NUBPL: variants seen among roughly 807,000 people sequenced by gnomAD.
NUBPL encodes iron-sulfur cluster transfer protein NUBPL.
A neutral mutation model predicts 45.7 loss-of-function variants in NUBPL; 31 were observed. The observed-to-expected ratio is 0.68, with a 90% CI of 0.51 to 0.92. NUBPL has a LOEUF of 0.92. Ranked by LOEUF, NUBPL falls within the 40% of genes least tolerant of loss-of-function variation. The pLI is 0.00. For synonymous variants in NUBPL, 144 were observed against 140.9 expected (o/e 1.02, Z -0.15); for missense variants, 401 against 398.7 (o/e 1.01, Z -0.05).
At chr14:31,667,539 C>T (rs1443741803) in intron 4 of NUBPL, among the ~76,000 whole-genome samples, 2 of 151,970 alleles carry the variant, frequency 1.3e-5, no homozygotes, top group Admixed American at 1.3e-4. Flanking sequence ...TACCCACCTT[C>T]TGCCTACTTC....
At chr14:31,743,573 T>A (rs1234475638) in intron 6 of NUBPL, among the ~76,000 whole-genome samples, 2 of 152,134 alleles carry the variant, frequency 1.3e-5, no homozygotes, top group African/African-American at 4.8e-5. Flanking sequence ...AGAGATGGGA[T>A]TTCGCCGTGT....
intron 4 of NUBPL, among the ~76,000 whole-genome samples, chr14:31,640,874 A>G (rs112392322): frequency 0.011 from 1,619 of 152,170 alleles, 22 homozygotes; most frequent in African/African-American, 0.037. Flanking sequence ...TCTTCTAGCT[A>G]TTGTACAATT....
In NUBPL at chr14:31,780,313, C is replaced by T. The variant is rs111303682; in HGVS notation, c.514-7467C>T. 3.9e-4 allele frequency among the ~76,000 whole-genome samples: 60 copies of T among 152,190 alleles called. 1 individual carries two copies. The highest frequency in any genetic ancestry group is 1.3e-3 in the African/African-American group (53 of 41,544). ...TGTGAACTCCTGACCTCGTGATCCA[C>T]CCTCCTTGGCCTCCCAGAATGCTGG... On this transcript the variant is annotated intron_variant, in intron 6 of 10. Coordinates refer to ENST00000281081, the MANE Select transcript of NUBPL (RefSeq NM_025152.3).
At chr14:31,844,330 A>G (rs1449138356) in intron 8 of NUBPL, 3 of 152,176 alleles carry the variant, frequency 2.0e-5, no homozygotes, top group African/African-American at 7.2e-5. Context: ...TGAGAGCCAT[A>G]CAGTCAGGGG....
Position 31,595,400 on chromosome 14 carries a change from A to G in NUBPL, c.292-3889A>G, listed in dbSNP as rs983435388. ...AAAGATGACAATCAGACTTTACAAT[A>G]GTAAGTTTACAGTTATTTTTGCTAA... On this transcript the variant is annotated intron_variant, in intron 3 of 10. Transcript: ENST00000281081. Among the ~76,000 whole-genome samples, 8 of 152,366 alleles carry G rather than the reference A, an allele frequency of 5.3e-5. No individual in the cohort carries two copies. The East Asian group carries it at 1.2e-3, about 22-fold the overall frequency.
intron 8 of NUBPL, among the ~76,000 whole-genome samples, chr14:31,838,709 T>C (rs2040323173): frequency 1.3e-5 from 2 of 152,206 alleles, no homozygotes; most frequent in South Asian, 4.1e-4. Context: ...GTTCCTGATA[T>C]ACTTTGATGG....
intron 6 of NUBPL, among the ~76,000 whole-genome samples, chr14:31,733,445 C>G (rs890948654): frequency 1.3e-5 from 2 of 152,162 alleles, no homozygotes; most frequent in Non-Finnish European, 2.9e-5. Flanking sequence ...GCCATCCTAA[C>G]AGTGTCGAGT....
At chr14:31,601,813 T>C (rs2034441568) in intron 4 of NUBPL, among the ~76,000 whole-genome samples, 2 of 152,120 alleles carry the variant, frequency 1.3e-5, no homozygotes, top group African/African-American at 4.8e-5. Context: ...AGTTCAACCA[T>C]TGTGGAAGTC....
chr14:31,831,443 C>T (rs2040188491), intron 8 of NUBPL, among the ~76,000 whole-genome samples: 1 of 118,274 alleles, frequency 8.5e-6, no homozygotes, highest in African/African-American at 2.8e-5. Flanking sequence ...TTCACATTAG[C>T]ATACTATGCT....
chr14:31,648,581 C>T (rs1261017073), intron 4 of NUBPL, among the ~76,000 whole-genome samples: 3 of 152,268 alleles, frequency 2.0e-5, no homozygotes, highest in East Asian at 3.9e-4. Flanking sequence ...GTTTTGAAAC[C>T]TTTCAGACAT....
chr14:31,681,191 G>A (rs1224225399), intron 6 of NUBPL, among the ~76,000 whole-genome samples: 3 of 152,024 alleles, frequency 2.0e-5, no homozygotes, highest in South Asian at 2.1e-4. Flanking sequence ...CAGGCTTGGC[G>A]TGCTTTGTTT....
intron 6 of NUBPL, among the ~76,000 whole-genome samples, chr14:31,770,103 C>A (rs752757408): frequency 3.3e-5 from 5 of 152,092 alleles, no homozygotes; most frequent in Non-Finnish European, 5.9e-5. Flanking sequence ...CTCAAAACTT[C>A]ATTTTAATAG....
At chr14:31,687,368 T>C (rs2139849531) in intron 6 of NUBPL, among the ~76,000 whole-genome samples, 1 of 152,356 alleles carries the variant, frequency 6.6e-6, no homozygotes, top group East Asian at 1.9e-4. Context: ...GTGTATTTTA[T>C]CATGTACTAC....
At chr14:31,655,269 T>C (rs963098014) in intron 4 of NUBPL, among the ~76,000 whole-genome samples, 16 of 152,230 alleles carry the variant, frequency 1.1e-4, no homozygotes, top group African/African-American at 3.9e-4. Flanking sequence ...ATTTCTGTAA[T>C]AATAAGACTT....
At chr14:31,663,175 C>T (rs976507208) in intron 4 of NUBPL, among the ~76,000 whole-genome samples, 2 of 151,958 alleles carry the variant, frequency 1.3e-5, no homozygotes, top group Non-Finnish European at 2.9e-5. Flanking sequence ...AAATTTTCTA[C>T]CATTCTGTAG....
At chr14:31,756,507 T>C (rs2138708480) in intron 6 of NUBPL, among the ~76,000 whole-genome samples, 1 of 152,118 alleles carries the variant, frequency 6.6e-6, no homozygotes, top group Non-Finnish European at 1.5e-5. Context: ...TGTTTGTCTG[T>C]TATTGCTGTA....
At chr14:31,714,411 T>TGATGG (rs1313508226) in intron 6 of NUBPL, among the ~76,000 whole-genome samples, 10 of 152,282 alleles carry the variant, frequency 6.6e-5, no homozygotes, top group Non-Finnish European at 8.8e-5. Context: ...TTTAACTGGC[T>TGATGG]GATGGTTCTG....
chr14:31,745,161 C>A (rs9796396), intron 6 of NUBPL, among the ~76,000 whole-genome samples: 69,993 of 151,632 alleles, frequency 0.46, 17,448 homozygotes, highest in African/African-American at 0.67. Flanking sequence ...ATTAACTCGT[C>A]ATTTGCATTA....
chr14:31,853,486 C>T (rs975289908), intron 10 of NUBPL, among the ~76,000 whole-genome samples: 15 of 152,168 alleles, frequency 9.9e-5, no homozygotes, highest in African/African-American at 3.6e-4. Flanking sequence ...TCACTCCATC[C>T]TCCCAGCACC....
Sources: gnomAD v4.1 joint callset for allele counts (sites outside exome capture counted in the v4.1 genomes callset) on GRCh38, gnomAD v4.1.1 for gene constraint, MANE v1.5 for transcripts, NCBI Gene and HGNC (gene_info 2026-07-23, HGNC 2026-07-21) for gene names.